Variants in MTUS2 observed in about 807,000 individuals in gnomAD.
MTUS2 encodes microtubule associated scaffold protein 2.
A neutral mutation model predicts 114.1 loss-of-function variants in MTUS2; 40 were observed. The ratio of observed to expected loss-of-function variants is 0.35; its 90% CI spans 0.27 to 0.46. The LOEUF is 0.46. Among genes scored for constraint, MTUS2 ranks in the 20% least tolerant of loss-of-function variants. The probability of loss-of-function intolerance (pLI) is 1.00; values close to 1 mark genes in which losing one functional copy is unlikely to be tolerated. For synonymous variants in MTUS2, 688 were observed against 672.0 expected (o/e 1.02, Z -0.37); for missense variants, 1,679 against 1,705.4 (o/e 0.98, Z 0.27).
At chr13:28,892,227 A>G (rs1878975926) in intron 2 of MTUS2, among the ~76,000 whole-genome samples, 1 of 152,180 alleles carries the variant, frequency 6.6e-6, no homozygotes, top group Non-Finnish European at 1.5e-5. Context: ...GGCATAGTGA[A>G]TGCGTGGGAT....
intron 5 of MTUS2, among the ~76,000 whole-genome samples, chr13:29,181,672 A>G (rs1894011377): frequency 6.6e-6 from 1 of 152,158 alleles, no homozygotes; most frequent in South Asian, 2.1e-4. Context: ...GTTTACTCTA[A>G]TAATAAATTC....
chr13:28,908,840 T>G (rs994316114), intron 2 of MTUS2, among the ~76,000 whole-genome samples: 9 of 151,636 alleles, frequency 5.9e-5, no homozygotes, highest in Non-Finnish European at 8.8e-5. Context: ...ATGTAAGTCT[T>G]TAATCCATCT....
chr13:29,370,816 T>TA (rs1473816862), intron 8 of MTUS2, among the ~76,000 whole-genome samples: 2 of 152,214 alleles, frequency 1.3e-5, no homozygotes, highest in Non-Finnish European at 2.9e-5. Flanking sequence ...TAGCTCAAAT[T>TA]AGAAGTAAAG....
intron 5 of MTUS2, among the ~76,000 whole-genome samples, chr13:29,231,445 G>T (rs953302457): frequency 1.4e-4 from 22 of 152,172 alleles, no homozygotes; most frequent in African/African-American, 5.3e-4. Flanking sequence ...GCTCACATCA[G>T]CTGTGATAGA....
At chr13:29,456,618 A>G (rs2138766389) in intron 9 of MTUS2, among the ~76,000 whole-genome samples, 1 of 152,348 alleles carries the variant, frequency 6.6e-6, no homozygotes, top group African/African-American at 2.4e-5. Context: ...CCCAGTGAAG[A>G]CACACATTAC....
At chr13:28,977,044 A>C (rs2138278118) in intron 2 of MTUS2, among the ~76,000 whole-genome samples, 1 of 152,144 alleles carries the variant, frequency 6.6e-6, no homozygotes, top group African/African-American at 2.4e-5. Flanking sequence ...ACCTCTTTTT[A>C]TCAAATCTCT....
intron 4 of MTUS2, among the ~76,000 whole-genome samples, chr13:29,099,282 G>A (rs1439485105): frequency 6.6e-6 from 1 of 152,180 alleles, no homozygotes; most frequent in African/African-American, 2.4e-5. Flanking sequence ...ACAGGCTTGA[G>A]TTGGGAATAT....
At chr13:29,168,343 A>T (rs1893404889) in intron 5 of MTUS2, among the ~76,000 whole-genome samples, 1 of 152,154 alleles carries the variant, frequency 6.6e-6, no homozygotes, top group African/African-American at 2.4e-5. Context: ...ACTATTTATT[A>T]ATGTTCCATC....
At chr13:28,964,127 G>A (rs536247250) in intron 2 of MTUS2, among the ~76,000 whole-genome samples, 1 of 152,288 alleles carries the variant, frequency 6.6e-6, no homozygotes, top group East Asian at 1.9e-4. Flanking sequence ...GTACTTGGGT[G>A]TCTAATAGGG....
chr13:29,130,616 T>A (rs1303778491), intron 5 of MTUS2, among the ~76,000 whole-genome samples: 1 of 152,110 alleles, frequency 6.6e-6, no homozygotes, highest in Non-Finnish European at 1.5e-5. Flanking sequence ...TTCTACACAT[T>A]TATTTATTTA....
At chr13:29,032,768 A>G (rs1886886423) in intron 3 of MTUS2, among the ~76,000 whole-genome samples, 4 of 152,210 alleles carry the variant, frequency 2.6e-5, no homozygotes, top group African/African-American at 7.2e-5. Context: ...CAAAGCTTTT[A>G]TAGCCCCCAT....
intron 5 of MTUS2, among the ~76,000 whole-genome samples, chr13:29,229,665 A>C (rs1436483005): frequency 6.6e-6 from 1 of 152,240 alleles, no homozygotes; most frequent in Non-Finnish European, 1.5e-5. Flanking sequence ...AAAATCCAAC[A>C]ATACCTCAGA....
chr13:28,966,027 G>A (rs1315769541), intron 2 of MTUS2, among the ~76,000 whole-genome samples: 1 of 152,172 alleles, frequency 6.6e-6, no homozygotes, highest in Non-Finnish European at 1.5e-5. Flanking sequence ...GCTCAAAGTG[G>A]CATCTTTACA....
chr13:29,196,000 G>A (rs1288949097), intron 5 of MTUS2, among the ~76,000 whole-genome samples: 1 of 152,126 alleles, frequency 6.6e-6, no homozygotes, highest in Non-Finnish European at 1.5e-5. Flanking sequence ...GATCACCCTG[G>A]CAACATTGGG....
At chr13:29,235,584 C>T (rs1486146302) in intron 5 of MTUS2, among the ~76,000 whole-genome samples, 1 of 152,056 alleles carries the variant, frequency 6.6e-6, no homozygotes, top group African/African-American at 2.4e-5. Flanking sequence ...GTCTGAAATG[C>T]ATGCTTTGTT....
At chr13:29,262,910 G>C (rs1291819427) in intron 5 of MTUS2, among the ~76,000 whole-genome samples, 1 of 152,192 alleles carries the variant, frequency 6.6e-6, no homozygotes, top group Admixed American at 6.5e-5. Context: ...AGCTGCTTCT[G>C]CTGGTGCTGG....
chr13:29,367,050 C>T (rs1870781510), intron 8 of MTUS2, among the ~76,000 whole-genome samples: 1 of 152,136 alleles, frequency 6.6e-6, no homozygotes, highest in Non-Finnish European at 1.5e-5. Flanking sequence ...TATGGTCCAT[C>T]CGCTTGGTAA....
intron 9 of MTUS2, among the ~76,000 whole-genome samples, chr13:29,479,920 G>A (rs543794117): frequency 1.3e-5 from 2 of 152,166 alleles, no homozygotes; most frequent in South Asian, 4.1e-4. Context: ...GGATGACCTT[G>A]GGCAAGTCTC....
intron 5 of MTUS2, among the ~76,000 whole-genome samples, chr13:29,241,171 G>A (rs1896717723): frequency 6.6e-6 from 1 of 152,186 alleles, no homozygotes; most frequent in South Asian, 2.1e-4. Context: ...GGGTTACAGG[G>A]CTTAGAGGTT....
Sources: gnomAD v4.1 joint callset for allele counts (sites outside exome capture counted in the v4.1 genomes callset) on GRCh38, gnomAD v4.1.1 for gene constraint, MANE v1.5 for transcripts, NCBI Gene and HGNC (gene_info 2026-07-23, HGNC 2026-07-21) for gene names.